Variants in ADAM22 observed in about 807,000 individuals in gnomAD.
ADAM22 encodes the protein ADAM metallopeptidase domain 22, also known as disintegrin and metalloproteinase domain-containing protein 22.
In ADAM22, 65 loss-of-function variants were observed where a neutral mutation model predicts 144.6. The observed-to-expected ratio is 0.45, with a 90% CI of 0.37 to 0.55. The LOEUF (loss-of-function observed/expected upper bound fraction) is 0.55, where lower values mean the gene tolerates loss of function less well. Ranked by LOEUF, ADAM22 falls within the 20% of genes least tolerant of loss-of-function variation. The pLI, the probability that ADAM22 is intolerant of heterozygous loss-of-function variation, is 0.00. For synonymous variants in ADAM22, 391 were observed against 412.6 expected, an observed-to-expected ratio of 0.95 and a Z score of 0.63; for missense variants, 974 against 1,184.9, an observed-to-expected ratio of 0.82 and a Z score of 2.61.
Position 88,198,081 on chromosome 7 carries a change from T to A in ADAM22, c.*1590T>A, listed in dbSNP as rs1299990819. 6.6e-6 allele frequency: 1 copy of A among 152,222 alleles called. No homozygotes were observed. The highest frequency in any genetic ancestry group is 2.4e-5 in the African/African-American group (1 of 41,458). 9.4% of individuals were successfully genotyped at this position (152,222 alleles called of 1,614,324 possible). On this transcript the variant is annotated 3_prime_UTR_variant, in exon 32 of 32. Coordinates refer to ENST00000413139, the MANE Select transcript of ADAM22 (RefSeq NM_001324418.2). ...CACATGGTCTGCTCTGAAGTATACT[T>A]CTGATTTCCTCATTTGCTGTGTGTT...
At chr7:88,083,541 G>C (rs1271356230) in intron 4 of ADAM22, among the ~76,000 whole-genome samples, 2 of 149,390 alleles carry the variant, frequency 1.3e-5, no homozygotes, top group Non-Finnish European at 3.0e-5. Flanking sequence ...AGCATCAATA[G>C]TTATCAACAC....
rs191016906 is a variant in ADAM22, at chr7:88,004,196, C to G, written c.323+25784C>G. Among the ~76,000 whole-genome samples, 4 of 152,234 alleles carry G rather than the reference C, an allele frequency of 2.6e-5. No individual in the cohort carries two copies. The East Asian group carries it at 7.7e-4, about 29-fold the overall frequency. On this transcript the variant is annotated intron_variant, in intron 3 of 31. Coordinates refer to ENST00000413139, the MANE Select transcript of ADAM22 (RefSeq NM_001324418.2). ...GTAACCATTTTCCTGTAATTTGGTA[C>G]CTGTTAGTCTATCAGCTCAGTGACA...
intron 22 of ADAM22, among the ~76,000 whole-genome samples, chr7:88,160,110 A>T (rs973057241): frequency 6.6e-6 from 1 of 152,140 alleles, no homozygotes; most frequent in African/African-American, 2.4e-5. Context: ...TGCACCAACA[A>T]TAGCCAAGCT....
chr7:88,163,236 G>T (rs1842170863), intron 23 of ADAM22, 56 bp downstream of exon 23: 1 of 1,417,074 alleles, frequency 7.1e-7, no homozygotes, highest in Non-Finnish European at 9.4e-7. Context: ...GAAATAGACA[G>T]GACCCTAAAC....
In ADAM22 at chr7:88,037,132, G is replaced by A. The variant is rs977075094; in HGVS notation, c.324-38494G>A. Among the ~76,000 whole-genome samples the A allele has an allele frequency of 5.9e-5, 9 of 152,086 alleles. No individual in the cohort carries two copies. In the East Asian group the frequency reaches 1.7e-3, roughly 29 times the overall value. On this transcript the variant is annotated intron_variant, in intron 3 of 31. Transcript: ENST00000413139. ...ATGCTATTATGAACATATTTGCGCA[G>A]TAGAGCCTCTCTTCTGGGATTCTTT...
At chr7:88,085,345 G>T (rs560666729) in intron 4 of ADAM22, among the ~76,000 whole-genome samples, 78 of 152,208 alleles carry the variant, frequency 5.1e-4, no homozygotes, top group African/African-American at 1.9e-3. Flanking sequence ...TTTAACAATG[G>T]CTAGAAACCA....
chr7:88,163,216 T>C (rs762560684), intron 23 of ADAM22, 36 bp downstream of exon 23: 61 of 1,525,052 alleles, frequency 4.0e-5, no homozygotes, highest in Non-Finnish European at 5.2e-5. Flanking sequence ...TCTATTTCTT[T>C]TATATCACAG....
At chr7:88,072,190 A>G (rs1174185044) in intron 3 of ADAM22, among the ~76,000 whole-genome samples, 3 of 152,202 alleles carry the variant, frequency 2.0e-5, no homozygotes, top group African/African-American at 2.4e-5. Context: ...TTAAAATTAC[A>G]TGGAGCGCTT....
chr7:88,151,301 C>A lies in ADAM22; in HGVS notation c.1662C>A (p.Cys554Ter), dbSNP rs1331279966. The change falls in exon 20 of 32, where the codon TGC (cysteine) becomes TGA (stop). Residue 554 changes from cysteine to a stop codon, truncating the protein, a stop_gained. Coordinates refer to ENST00000413139, the MANE Select transcript of ADAM22 (RefSeq NM_001324418.2). LOFTEE classifies it high-confidence loss of function. The part of the protein sequence containing the change: ...GGRCKTRDRQ[C>*]KYIWGQKVTA... ...GATGCAAAACCAGAGATAGACAATG[C>A]AAATACATTTGGGGGCAAAGTAAGT... 1 of 1,613,966 alleles carries A rather than the reference C, an allele frequency of 6.2e-7. No individual in the cohort carries two copies. Among genetic ancestry groups the A allele is most frequent in the Non-Finnish European group, 8.5e-7 (1 of 1,179,992 alleles).
At chr7:87,976,675 A>G (rs532182734) in intron 2 of ADAM22, among the ~76,000 whole-genome samples, 20 of 152,312 alleles carry the variant, frequency 1.3e-4, no homozygotes, top group South Asian at 8.3e-4. Flanking sequence ...TGTCTAGTTC[A>G]GGAAAGGTCT....
rs1827820461 is a variant in ADAM22, at chr7:88,116,598, G to A, written c.538-147G>A. The A allele has an allele frequency of 8.1e-6, 5 of 613,738 alleles. No individual in the cohort carries two copies. The South Asian group carries it at 1.0e-4, about 13-fold the overall frequency. The allele number at this position is 613,738 out of a possible 1,614,324, so 38.0% of individuals were successfully genotyped here. On this transcript the variant is annotated intron_variant, in intron 6 of 31. Transcript: ENST00000413139. ...GAGAGAATACAGGAGAGAATAGGAGGGGTTGGGCAATGGTTCATCACCTCT... is the reference window on the plus strand; with the variant it reads ...GAGAGAATACAGGAGAGAATAGGAGAGGTTGGGCAATGGTTCATCACCTCT...
chr7:88,129,090 G>A (rs933495927), intron 9 of ADAM22, among the ~76,000 whole-genome samples: 7 of 151,898 alleles, frequency 4.6e-5, no homozygotes, highest in Non-Finnish European at 8.8e-5. Context: ...TTTCTATTTT[G>A]GTCTTACTGT....
At chr7:88,079,425 G>T (rs1265800039) in intron 4 of ADAM22, among the ~76,000 whole-genome samples, 1 of 152,168 alleles carries the variant, frequency 6.6e-6, no homozygotes, top group African/African-American at 2.4e-5. Flanking sequence ...AGGCTAGGAA[G>T]AAACTGCATC....
chr7:88,186,196 A>C, intron 29 of ADAM22: 1 of 217,618 alleles, frequency 4.6e-6, no homozygotes, highest in Non-Finnish European at 9.0e-6. Context: ...TGTATGCCCA[A>C]ATGCCAGATT....
At position 88,196,688 on chromosome 7, in the gene ADAM22, C is replaced by G. The variant is rs1041448371; in HGVS notation, c.*197C>G. The G allele has an allele frequency of 3.0e-5, 18 of 601,618 alleles. No homozygotes were observed. Among genetic ancestry groups the G allele is most frequent in the Non-Finnish European group, 5.3e-5 (18 of 338,814 alleles). 37.3% of individuals were successfully genotyped at this position (601,618 alleles called of 1,614,324 possible). A position where few individuals can be genotyped will look rare whatever the true frequency, so the allele number is the denominator to read the frequency against. ...GTCATTGGCTTAGGATTTAACTAAC[C>G]ATGAAAAGAACTACTGAAATATTAC... is the stretch of plus-strand genomic sequence containing the variant. On this transcript the variant is annotated 3_prime_UTR_variant, in exon 32 of 32. Coordinates refer to ENST00000413139, the MANE Select transcript of ADAM22 (RefSeq NM_001324418.2).
intron 2 of ADAM22, among the ~76,000 whole-genome samples, chr7:87,952,213 T>C (rs1304718276): frequency 6.6e-6 from 1 of 151,856 alleles, no homozygotes; most frequent in Non-Finnish European, 1.5e-5. Context: ...CATCCCTGTC[T>C]TGTGCCAGTT....
intron 3 of ADAM22, among the ~76,000 whole-genome samples, chr7:88,025,407 G>T (rs564550695): frequency 6.6e-6 from 1 of 152,050 alleles, no homozygotes; most frequent in Non-Finnish European, 1.5e-5. Context: ...TTTTTGCTTT[G>T]GTTGCCTGTG....
chr7:87,990,426 A>G (rs1453521099), intron 3 of ADAM22, among the ~76,000 whole-genome samples: 1 of 152,234 alleles, frequency 6.6e-6, no homozygotes, highest in Non-Finnish European at 1.5e-5. Flanking sequence ...TACACCAAAT[A>G]AGTAACATAC....
At chr7:88,084,149 C>T (rs1817760507) in intron 4 of ADAM22, among the ~76,000 whole-genome samples, 1 of 152,156 alleles carries the variant, frequency 6.6e-6, no homozygotes. Flanking sequence ...GCAGACAGCT[C>T]TCTGCTGTCT....
Sources: allele counts gnomAD v4.1 joint callset (sites outside exome capture counted in the v4.1 genomes callset), GRCh38; gene constraint gnomAD v4.1.1; transcripts MANE v1.5; gene names NCBI Gene and HGNC (gene_info 2026-07-23, HGNC 2026-07-21).